The following EXOC2 variants were observed in gnomAD, a reference collection of about 807,000 sequenced individuals.
The protein encoded by EXOC2 is SEC5-like 1.
EXOC2 carries 70 observed loss-of-function variants against 131.8 expected under a neutral mutation model. The ratio of observed to expected loss-of-function variants is 0.53; its 90% CI spans 0.44 to 0.65. The LOEUF (loss-of-function observed/expected upper bound fraction) is 0.65, where lower values mean the gene tolerates loss of function less well. Among genes scored for constraint, EXOC2 ranks in the 30% least tolerant of loss-of-function variants. EXOC2 has a pLI of 0.00. For missense variants in EXOC2, 923 were observed against 1,108.6 expected (o/e 0.83, Z 2.38); for synonymous variants, 411 against 398.4 (o/e 1.03, Z -0.38).
At chr6:621,085 T>C (rs961932861) in intron 4 of EXOC2, among the ~76,000 whole-genome samples, 3 of 152,168 alleles carry the variant, frequency 2.0e-5, no homozygotes, top group Admixed American at 1.3e-4. Flanking sequence ...CCCTCCACGT[T>C]CAGGTGACCA....
At chr6:622,437 T>A (rs1761339447) in intron 4 of EXOC2, among the ~76,000 whole-genome samples, 1 of 152,168 alleles carries the variant, frequency 6.6e-6, no homozygotes, top group Admixed American at 6.5e-5. Flanking sequence ...CCCACGCCCA[T>A]GGTGCTGCGC....
In EXOC2 at chr6:578,539, G is replaced by A. The variant is rs1018299785; in HGVS notation, c.1193-1657C>T. Among the ~76,000 whole-genome samples the A allele has an allele frequency of 6.6e-5, 10 of 152,320 alleles. No homozygotes were observed. The East Asian group carries it at 1.2e-3, about 18-fold the overall frequency. ...GCCCTCCTACCGTGTGCCCCTGGAC[G>A]TGACACACTATCATCTCTCTCTCCA... On this transcript the variant is annotated intron_variant, in intron 11 of 27. Coordinates refer to ENST00000230449, the MANE Select transcript of EXOC2 (RefSeq NM_018303.6).
At chr6:653,149 C>T in intron 1 of EXOC2, among the ~76,000 whole-genome samples, 1 of 152,182 alleles carries the variant, frequency 6.6e-6, no homozygotes, top group East Asian at 1.9e-4. Context: ...CTCAAGCCTC[C>T]CTATTCCCTG....
chr6:595,403 A>G (rs1759754368), intron 10 of EXOC2, among the ~76,000 whole-genome samples: 7 of 152,076 alleles, frequency 4.6e-5, no homozygotes, highest in Admixed American at 4.6e-4. Context: ...TTCATTTAAA[A>G]AGGTAACAAT....
chr6:540,632 T>C (rs1401271162), intron 22 of EXOC2, among the ~76,000 whole-genome samples: 1 of 151,274 alleles, frequency 6.6e-6, no homozygotes, highest in Non-Finnish European at 1.5e-5. Flanking sequence ...CAATTAAAGA[T>C]GAGGAGAATA....
At chr6:673,747 C>T (rs987419928) in intron 1 of EXOC2, among the ~76,000 whole-genome samples, 5 of 152,108 alleles carry the variant, frequency 3.3e-5, no homozygotes, top group African/African-American at 1.2e-4. Flanking sequence ...CTGTATTTGC[C>T]TTCCCAATAT....
intron 16 of EXOC2, 31 bp downstream of exon 16, chr6:564,002 C>T (rs1371439126): frequency 1.2e-6 from 2 of 1,609,208 alleles, no homozygotes; most frequent in Non-Finnish European, 8.5e-7. Flanking sequence ...AATCATTGCA[C>T]AGTGAACGTC....
At chr6:603,088 G>A (rs1257531363) in intron 7 of EXOC2, among the ~76,000 whole-genome samples, 2 of 152,178 alleles carry the variant, frequency 1.3e-5, no homozygotes, top group Non-Finnish European at 2.9e-5. Flanking sequence ...ACTGACACTT[G>A]AGACAGATCA....
intron 13 of EXOC2, 118 bp downstream of exon 13, chr6:572,402 T>C (rs960826133): frequency 7.7e-7 from 1 of 1,293,560 alleles, no homozygotes; most frequent in African/African-American, 1.5e-5. Context: ...TTTTAAACTA[T>C]GACGATGGCT....
chr6:560,256 C>T (rs1348898130), intron 17 of EXOC2, among the ~76,000 whole-genome samples: 1 of 152,198 alleles, frequency 6.6e-6, no homozygotes, highest in Non-Finnish European at 1.5e-5. Context: ...GTTCTGCTCC[C>T]TGTTTACAGA....
intron 4 of EXOC2, among the ~76,000 whole-genome samples, chr6:619,866 C>T (rs1316556131): frequency 6.9e-6 from 1 of 145,892 alleles, no homozygotes; most frequent in African/African-American, 2.4e-5. Context: ...TTAAACCTAT[C>T]AAAATATGAC....
chr6:651,529 C>T (rs1762830025), intron 1 of EXOC2, among the ~76,000 whole-genome samples: 1 of 151,860 alleles, frequency 6.6e-6, no homozygotes, highest in African/African-American at 2.4e-5. Context: ...TGGTGGGCAC[C>T]TGTAATCCCA....
rs773331596 is a variant in EXOC2, at chr6:598,052, A to ATGGTG, written c.1037_1041dup (p.Ser348HisfsTer12). The stretch of plus-strand genomic sequence containing the variant: ...TAACGTTTTTGGTCATGTAAAGTTG[A>ATGGTG]TGGTGTCTCAAGCAATTTATCCAGA... On this transcript the variant is annotated frameshift_variant, in exon 10 of 28. Transcript: ENST00000230449. LOFTEE classifies it high-confidence loss of function. 8.7e-6 allele frequency: 14 copies of ATGGTG among 1,613,746 alleles called. No individual in the cohort carries two copies. The highest frequency in any genetic ancestry group is 8.5e-7 in the Non-Finnish European group (1 of 1,179,832).
chr6:617,630 C>A, intron 6 of EXOC2, 81 bp downstream of exon 6: 2 of 1,511,276 alleles, frequency 1.3e-6, no homozygotes, highest in Non-Finnish European at 8.9e-7. Flanking sequence ...GACCGAGTGT[C>A]ACACCCTGTA....
In EXOC2 at chr6:555,969, G is replaced by A. The variant is rs759157620; in HGVS notation, c.1977C>T (p.Ser659=). The A allele has an allele frequency of 6.2e-6, 10 of 1,614,004 alleles. No homozygotes were observed. The South Asian group carries it at 1.1e-4, about 18-fold the overall frequency. ...PKTQEEVCQL[S]INIMQVFIYC... is the part of the protein sequence containing the mutation. ...CTATTATTACCTGCATTATATTGAT[G>A]CTTAGCTGGCAAACCTCCTCCTGTG... is the stretch of plus-strand genomic sequence containing the variant. Residue 659 remains serine (S), a synonymous_variant, in exon 19 of 28, where the codon AGC becomes AGT. Transcript: ENST00000230449.
chr6:650,611 A>G (rs1287650435), intron 1 of EXOC2, among the ~76,000 whole-genome samples: 2 of 152,250 alleles, frequency 1.3e-5, no homozygotes, highest in African/African-American at 4.8e-5. Context: ...CCTAAGTAGA[A>G]GAATAAATTA....
chr6:627,938 A>C (rs960425702), intron 4 of EXOC2, among the ~76,000 whole-genome samples: 2 of 152,246 alleles, frequency 1.3e-5, no homozygotes, highest in Admixed American at 1.3e-4. Context: ...AATGTACATA[A>C]TGTTATTTTA....
chr6:533,871 A>G (rs1010226214), intron 22 of EXOC2, among the ~76,000 whole-genome samples: 1 of 152,196 alleles, frequency 6.6e-6, no homozygotes, highest in Non-Finnish European at 1.5e-5. Context: ...GCAACGAACT[A>G]CAGTGAAAAA....
At chr6:491,046 C>T in intron 26 of EXOC2, 79 bp downstream of exon 26, 3 of 1,453,684 alleles carry the variant, frequency 2.1e-6, no homozygotes, top group Non-Finnish European at 2.9e-6. Flanking sequence ...GATCAGTCAT[C>T]TTTACAGAGG....
Sources: gnomAD v4.1 joint callset for allele counts (sites outside exome capture counted in the v4.1 genomes callset) on GRCh38, gnomAD v4.1.1 for gene constraint, MANE v1.5 for transcripts, NCBI Gene and HGNC (gene_info 2026-07-23, HGNC 2026-07-21) for gene names.